Variants in PDE4D observed in about 807,000 individuals in gnomAD.
PDE4D encodes 3',5'-cyclic-AMP phosphodiesterase 4D.
In PDE4D, 24 loss-of-function variants were observed where a neutral mutation model predicts 87.4. That is an observed-to-expected ratio of 0.27 (90% confidence interval 0.20 to 0.39). The LOEUF (loss-of-function observed/expected upper bound fraction) is 0.39. PDE4D is among the 10% of genes least tolerant of loss of function. The probability of loss-of-function intolerance (pLI) is 1.00; values close to 1 mark genes in which losing one functional copy is unlikely to be tolerated. For synonymous variants in PDE4D, 384 were observed against 383.2 expected, an observed-to-expected ratio of 1.00 and a Z score of -0.02; for missense variants, 714 against 1,041.0, an observed-to-expected ratio of 0.69 and a Z score of 4.32.
chr5:59,784,252 T>A (rs73758886), intron 1 of PDE4D, among the ~76,000 whole-genome samples: 13,795 of 142,338 alleles, frequency 0.097, 1,853 homozygotes, highest in African/African-American at 0.31. Flanking sequence ...TTTTTTTTTT[T>A]AAAAAAAAAA....
chr5:59,062,234 C>T (rs1340336102), intron 5 of PDE4D, among the ~76,000 whole-genome samples: 1 of 152,074 alleles, frequency 6.6e-6, no homozygotes, highest in African/African-American at 2.4e-5. Context: ...CATATAAGAT[C>T]TATTAATTAA....
At chr5:58,977,520 T>C (rs1201167856) in intron 11 of PDE4D, among the ~76,000 whole-genome samples, 175 bp from the exon 12 acceptor site, 4 of 152,182 alleles carry the variant, frequency 2.6e-5, no homozygotes, top group Admixed American at 2.6e-4. Flanking sequence ...GGAACAACAC[T>C]GGAATGAATC....
At chr5:59,264,422 C>T (rs530416482) in intron 1 of PDE4D, among the ~76,000 whole-genome samples, 161 of 152,026 alleles carry the variant, frequency 1.1e-3, no homozygotes, top group South Asian at 3.3e-3. Flanking sequence ...AAATTTCATT[C>T]CTATGTACGT....
intron 1 of PDE4D, among the ~76,000 whole-genome samples, chr5:59,574,346 A>G (rs62357531): frequency 0.076 from 11,528 of 150,938 alleles, 593 homozygotes; most frequent in Admixed American, 0.14. Context: ...TTATGCACAT[A>G]TAACTTTGTT....
chr5:59,390,686 G>A (rs1362461061), intron 1 of PDE4D, among the ~76,000 whole-genome samples: 1 of 152,124 alleles, frequency 6.6e-6, no homozygotes, highest in Non-Finnish European at 1.5e-5. Flanking sequence ...GACCTTATAA[G>A]TTGTTGTGAC....
chr5:60,171,701 C>G (rs1054081345), intron 2 of PDE4D, among the ~76,000 whole-genome samples: 2 of 152,012 alleles, frequency 1.3e-5, no homozygotes, highest in Non-Finnish European at 2.9e-5. Flanking sequence ...GGTCATAAGG[C>G]CTGTATGGCC....
chr5:59,306,322 T>C (rs1223105963), intron 1 of PDE4D, among the ~76,000 whole-genome samples: 1 of 152,168 alleles, frequency 6.6e-6, no homozygotes, highest in Non-Finnish European at 1.5e-5. Context: ...AGATAGTTGG[T>C]TGGTGAGTTC....
At chr5:60,056,337 T>G (rs1296591288) in intron 2 of PDE4D, among the ~76,000 whole-genome samples, 1 of 152,000 alleles carries the variant, frequency 6.6e-6, no homozygotes, top group African/African-American at 2.4e-5. Context: ...CAAACAAGTT[T>G]TCACTGAGAC....
rs1158022321 is a variant in PDE4D at position 60,474,105 on chromosome 5, CATATATATATATATATATATATATAT to C, written c.-90+13811_-90+13836del. Among the ~76,000 whole-genome samples the C allele has an allele frequency of 4.0e-3, 124 of 31,006 alleles. 3 individuals are homozygous for C. The highest frequency in any genetic ancestry group is 6.6e-3 in the Admixed American group (12 of 1,812). The allele number at this position is 31,006 out of a possible 152,430, so 20.3% of individuals were successfully genotyped here. ...TACTGTCTCAGTCCCTTTGAGCTGC[CATATATATATATATATATATATATAT>C]ATATATATATATATATATAACAAAA... On this transcript the variant is annotated intron_variant, in intron 1 of 16. Transcript: ENST00000502484.
intron 1 of PDE4D, among the ~76,000 whole-genome samples, chr5:60,296,339 T>C (rs75767256): frequency 0.033 from 5,056 of 152,314 alleles, 128 homozygotes; most frequent in Middle Eastern, 0.085. Context: ...TGGCACAGAA[T>C]GACAGCAGCC....
chr5:59,464,924 G>T (rs986910286), intron 1 of PDE4D, among the ~76,000 whole-genome samples: 4 of 152,168 alleles, frequency 2.6e-5, no homozygotes, highest in African/African-American at 9.7e-5. Context: ...ATTTGAATAT[G>T]TATGGGCCTC....
intron 1 of PDE4D, among the ~76,000 whole-genome samples, chr5:60,308,669 T>G (rs1754722409): frequency 6.6e-6 from 1 of 152,232 alleles, no homozygotes; most frequent in African/African-American, 2.4e-5. Context: ...TGTTCCACTC[T>G]AACACAGCAT....
chr5:60,447,908 A>G (rs1745779527), intron 1 of PDE4D, among the ~76,000 whole-genome samples: 1 of 152,134 alleles, frequency 6.6e-6, no homozygotes, highest in African/African-American at 2.4e-5. Flanking sequence ...TACTGGCCAC[A>G]GTTCTTTGAG....
chr5:59,477,269 TA>T (rs1361890874), intron 1 of PDE4D, among the ~76,000 whole-genome samples: 7 of 149,574 alleles, frequency 4.7e-5, no homozygotes, highest in African/African-American at 4.9e-5. Flanking sequence ...ATTTTATTCT[TA>T]AAAAACAAAA....
At chr5:59,942,838 T>C (rs549050322) in intron 3 of PDE4D, among the ~76,000 whole-genome samples, 1 of 116,686 alleles carries the variant, frequency 8.6e-6, no homozygotes, top group South Asian at 3.3e-4. Flanking sequence ...GTCATTAGAA[T>C]AGTGGTTCCT....
At chr5:60,273,091 T>C (rs376919124) in intron 1 of PDE4D, among the ~76,000 whole-genome samples, 35 of 152,218 alleles carry the variant, frequency 2.3e-4, no homozygotes, top group African/African-American at 6.7e-4. Flanking sequence ...GTGAAGAAGA[T>C]AATCCCTTCT....
chr5:59,606,631 G>A (rs1828242811), intron 1 of PDE4D, among the ~76,000 whole-genome samples: 1 of 152,106 alleles, frequency 6.6e-6, no homozygotes, highest in Non-Finnish European at 1.5e-5. Flanking sequence ...AGGCTGGACA[G>A]GACTGGTTGG....
At chr5:59,189,364 C>T (rs1743795977) in intron 3 of PDE4D, among the ~76,000 whole-genome samples, 1 of 151,452 alleles carries the variant, frequency 6.6e-6, no homozygotes, top group Admixed American at 6.6e-5. Flanking sequence ...ATTCTCCCGC[C>T]TCTGTATTTT....
chr5:60,257,250 AAGAAAAG>A, intron 1 of PDE4D, among the ~76,000 whole-genome samples: 1 of 145,692 alleles, frequency 6.9e-6, no homozygotes, highest in Non-Finnish European at 1.5e-5. Flanking sequence ...GAAAGAAAGA[AAGAAAAG>A]AAAAGAAAGA....
Sources: gnomAD v4.1 joint callset for allele counts (sites outside exome capture counted in the v4.1 genomes callset) on GRCh38, gnomAD v4.1.1 for gene constraint, MANE v1.5 for transcripts, NCBI Gene and HGNC (gene_info 2026-07-23, HGNC 2026-07-21) for gene names.